INTS7: variants seen among roughly 807,000 people sequenced by gnomAD.
The protein encoded by INTS7 is integrator complex subunit 7.
INTS7 carries 46 observed loss-of-function variants against 109.2 expected under a neutral mutation model. That is an observed-to-expected ratio of 0.42 (90% CI 0.33 to 0.54). The LOEUF is 0.54. Ranked by LOEUF, INTS7 falls within the 20% of genes least tolerant of loss-of-function variation. INTS7 has a pLI of 0.07. For missense variants in INTS7, 929 were observed against 1,132.4 expected (o/e 0.82, Z 2.58); for synonymous variants, 412 against 402.9 (o/e 1.02, Z -0.27).
intron 7 of INTS7, among the ~76,000 whole-genome samples, chr1:212,003,365 A>G (rs1665767494): frequency 6.6e-6 from 1 of 152,214 alleles, no homozygotes; most frequent in South Asian, 2.1e-4. Flanking sequence ...GGCAATAAAG[A>G]AAACCAGTAG....
chr1:212,018,327 TA>T (rs1666531583), intron 3 of INTS7, among the ~76,000 whole-genome samples: 1 of 152,004 alleles, frequency 6.6e-6, no homozygotes, highest in African/African-American at 2.4e-5. Flanking sequence ...CCACAGTGCT[TA>T]AAAAAAGAAT....
intron 8 of INTS7, among the ~76,000 whole-genome samples, chr1:211,986,326 A>G (rs1664892990): frequency 6.6e-6 from 1 of 152,206 alleles, no homozygotes; most frequent in Non-Finnish European, 1.5e-5. Flanking sequence ...CCACCTGAGT[A>G]CAGTCAAAAT....
At chr1:212,014,929 A>G (rs536494209) in intron 4 of INTS7, among the ~76,000 whole-genome samples, 2 of 152,314 alleles carry the variant, frequency 1.3e-5, no homozygotes, top group Non-Finnish European at 2.9e-5. Context: ...TTGGCCTCCC[A>G]AAGTGCAGCC....
At chr1:211,961,976 C>A (rs1663654268) in intron 16 of INTS7, among the ~76,000 whole-genome samples, 1 of 152,048 alleles carries the variant, frequency 6.6e-6, no homozygotes, top group South Asian at 2.1e-4. Flanking sequence ...CACAAACAAG[C>A]CTGCATGATA....
At chr1:211,971,062 G>A (rs1471297212) in intron 13 of INTS7, among the ~76,000 whole-genome samples, 2 of 152,196 alleles carry the variant, frequency 1.3e-5, no homozygotes. Flanking sequence ...GGAGCAGGGG[G>A]AAGATACACA....
chr1:212,002,118 A>G (rs1281159140), intron 7 of INTS7, among the ~76,000 whole-genome samples: 3 of 152,164 alleles, frequency 2.0e-5, no homozygotes, highest in African/African-American at 7.2e-5. Flanking sequence ...GTAAATCACA[A>G]TTGCATTTGT....
At chr1:211,989,972 T>C (rs1665074751) in intron 7 of INTS7, among the ~76,000 whole-genome samples, 1 of 152,146 alleles carries the variant, frequency 6.6e-6, no homozygotes, top group Admixed American at 6.5e-5. Flanking sequence ...TTTTTACCTA[T>C]CAGATTGACC....
intron 7 of INTS7, among the ~76,000 whole-genome samples, chr1:212,004,158 A>AAC: frequency 6.6e-6 from 1 of 152,312 alleles, no homozygotes; most frequent in East Asian, 1.9e-4. Context: ...CAGCCTGGGC[A>AAC]ACATGATGAC....
chr1:211,998,011 T>A (rs527737629), intron 7 of INTS7, among the ~76,000 whole-genome samples: 111 of 152,214 alleles, frequency 7.3e-4, no homozygotes, highest in African/African-American at 2.6e-3. Context: ...AAATTTTACA[T>A]GGAAAGGCAG....
intron 7 of INTS7, among the ~76,000 whole-genome samples, chr1:212,004,094 C>T (rs1665796512): frequency 1.3e-5 from 2 of 152,194 alleles, no homozygotes; most frequent in African/African-American, 4.8e-5. Context: ...CCTGTAATCT[C>T]AGCACTTTCG....
At chr1:212,023,632 C>T (rs1247453440) in intron 1 of INTS7, among the ~76,000 whole-genome samples, 1 of 151,652 alleles carries the variant, frequency 6.6e-6, no homozygotes, top group Non-Finnish European at 1.5e-5. Context: ...TCCTTATAGA[C>T]TCTAGATATT....
At chr1:211,963,946 T>C (rs903224837) in intron 16 of INTS7, among the ~76,000 whole-genome samples, 1 of 151,972 alleles carries the variant, frequency 6.6e-6, no homozygotes, top group Non-Finnish European at 1.5e-5. Context: ...AAAAGGATGC[T>C]CTCTCTCACC....
At chr1:211,983,280 A>G (rs1286284247) in intron 8 of INTS7, among the ~76,000 whole-genome samples, 1 of 152,166 alleles carries the variant, frequency 6.6e-6, no homozygotes, top group Non-Finnish European at 1.5e-5. Flanking sequence ...AGAGCTGGAA[A>G]GAATTTTGGG....
intron 7 of INTS7, among the ~76,000 whole-genome samples, chr1:212,003,060 C>T (rs1274818170): frequency 2.6e-5 from 4 of 151,946 alleles, no homozygotes; most frequent in African/African-American, 4.8e-5. Flanking sequence ...AGATAAGGAA[C>T]ATGAGGGATT....
Position 211,959,584 on chromosome 1 carries a change from C to A in INTS7, c.2183+6846G>T, listed in dbSNP as rs564106028. On this transcript the variant is annotated intron_variant, in intron 16 of 19. Transcript: ENST00000366994. The surrounding 1 kb of genome is among the most constrained non-coding windows in gnomAD (Gnocchi z 4.2). ...GCATGGGCAGATCTTGCCTCCCCAG[C>A]CCCACAAGTGCACGTTCACCTTGCC... is the stretch of plus-strand genomic sequence containing the variant. 1.4e-4 allele frequency among the ~76,000 whole-genome samples: 21 copies of A among 152,296 alleles called. 2 individuals are homozygous for A. In the South Asian group the frequency reaches 4.1e-3, roughly 30 times the overall value.
chr1:211,979,541 T>C (rs1057273389), intron 10 of INTS7, among the ~76,000 whole-genome samples: 1 of 152,206 alleles, frequency 6.6e-6, no homozygotes, highest in Non-Finnish European at 1.5e-5. Context: ...CAAATAACAA[T>C]AATAATTACG....
rs890581964 is a variant in INTS7 at position 212,015,977 on chromosome 1, G to GT, written c.509+908dup. 5.3e-5 allele frequency among the ~76,000 whole-genome samples: 8 copies of GT among 151,640 alleles called. No homozygotes were observed. In the South Asian group the frequency reaches 1.5e-3, roughly 28 times the overall value. ...CTGTTACATTATATAAGCTATTGGG[G>GT]TTTTTTAAAACAAACCTGTTATATT... On this transcript the variant is annotated intron_variant, in intron 4 of 19. Coordinates refer to ENST00000366994, the MANE Select transcript of INTS7 (RefSeq NM_015434.4).
At chr1:212,007,109 G>C (rs936397194) in intron 6 of INTS7, 141 bp downstream of exon 6, 4 of 670,102 alleles carry the variant, frequency 6.0e-6, no homozygotes, top group Non-Finnish European at 1.0e-5. Flanking sequence ...AAAAAAGCAA[G>C]CAAAAGCAAA....
intron 8 of INTS7, among the ~76,000 whole-genome samples, chr1:211,984,901 T>C (rs1033435688): frequency 1.3e-5 from 2 of 152,202 alleles, no homozygotes; most frequent in African/African-American, 4.8e-5. Context: ...TTTATTGCAG[T>C]GATGTGTCAT....
Sources: allele counts gnomAD v4.1 joint callset (sites outside exome capture counted in the v4.1 genomes callset), GRCh38; gene constraint gnomAD v4.1.1; non-coding constraint Gnocchi (gnomAD v3.1); transcripts MANE v1.5; gene names NCBI Gene and HGNC (gene_info 2026-07-23, HGNC 2026-07-21).